Variants in LOC128125817 observed in about 807,000 individuals in gnomAD.
At chr1:41,597,929 G>C in the LOC128125817 span, among the ~76,000 whole-genome samples, 2 of 152,114 alleles carry the variant, frequency 1.3e-5, no homozygotes, top group Non-Finnish European at 2.9e-5. Flanking sequence ...CACCTACTAA[G>C]TTATCTAATG....
chr1:41,599,883 C>T, the LOC128125817 span, among the ~76,000 whole-genome samples: 4 of 152,106 alleles, frequency 2.6e-5, no homozygotes, highest in Non-Finnish European at 4.4e-5. Context: ...CCAAGCAAAA[C>T]GATTTTTAAA....
chr1:41,586,574 C>CAG, the LOC128125817 span, among the ~76,000 whole-genome samples: 44,475 of 152,126 alleles, frequency 0.29, 7,558 homozygotes, highest in Non-Finnish European at 0.39. Context: ...ATCCTGCCCT[C>CAG]AGGCTCCCCT....
the LOC128125817 span, chr1:41,585,316 C>G: frequency 2.0e-5 from 8 of 398,936 alleles, no homozygotes; most frequent in East Asian, 1.1e-4. Flanking sequence ...TCACGCTCTT[C>G]TTCTGTGTGA....
the LOC128125817 span, among the ~76,000 whole-genome samples, chr1:41,595,890 C>G: frequency 6.6e-6 from 1 of 152,084 alleles, no homozygotes; most frequent in Non-Finnish European, 1.5e-5. Flanking sequence ...TGCTTGCAGA[C>G]GGCCTATTGT....
the LOC128125817 span, among the ~76,000 whole-genome samples, chr1:41,613,097 G>A: frequency 6.6e-6 from 1 of 152,248 alleles, no homozygotes; most frequent in Non-Finnish European, 1.5e-5. Context: ...CACTGGGCGC[G>A]GAGTCAGCCG....
chr1:41,618,720 C>T, the LOC128125817 span, among the ~76,000 whole-genome samples: 1 of 152,194 alleles, frequency 6.6e-6, no homozygotes, highest in East Asian at 1.9e-4. Context: ...CAAAAGGGAC[C>T]TTGGAAGTTA....
At chr1:41,586,514 G>GAGCATCTCTGTGCTTGCTTTTTCTCCT in the LOC128125817 span, among the ~76,000 whole-genome samples, 3,584 of 152,266 alleles carry the variant, frequency 0.024, 62 homozygotes, top group Middle Eastern at 0.082. Context: ...GGTGAGTGAT[G>GAGCATCTCTGTGCTTGCTTTTTCTCCT]AGCATCTCTG....
chr1:41,628,387 C>A, the LOC128125817 span, among the ~76,000 whole-genome samples: 2 of 152,206 alleles, frequency 1.3e-5, no homozygotes, highest in Non-Finnish European at 2.9e-5. Flanking sequence ...CTATCAGGAG[C>A]ACACAGTTGG....
the LOC128125817 span, among the ~76,000 whole-genome samples, chr1:41,595,469 A>C: frequency 6.6e-6 from 1 of 152,170 alleles, no homozygotes; most frequent in Non-Finnish European, 1.5e-5. Context: ...ACATGCCGAG[A>C]AAGGAGTCTG....
chr1:41,623,418 T>C, the LOC128125817 span, among the ~76,000 whole-genome samples: 1 of 152,272 alleles, frequency 6.6e-6, no homozygotes, highest in African/African-American at 2.4e-5. Context: ...TAAAGGGCTA[T>C]ATAAACAAAC....
chr1:41,623,162 CA>C, the LOC128125817 span, among the ~76,000 whole-genome samples: 1 of 152,186 alleles, frequency 6.6e-6, no homozygotes, highest in African/African-American at 2.4e-5. Flanking sequence ...ACACAGAACA[CA>C]AATCCTCTAA....
At chr1:41,625,907 A>C in the LOC128125817 span, among the ~76,000 whole-genome samples, 916 of 152,332 alleles carry the variant, frequency 6.0e-3, 6 homozygotes, top group Non-Finnish European at 8.9e-3. Flanking sequence ...TGTTTTATAT[A>C]TTGACATTCC....
At chr1:41,620,327 T>C in the LOC128125817 span, among the ~76,000 whole-genome samples, 1 of 152,214 alleles carries the variant, frequency 6.6e-6, no homozygotes, top group Admixed American at 6.5e-5. Context: ...CATTTTTATT[T>C]ACCCATGACA....
chr1:41,605,164 A>AGGGGG, the LOC128125817 span, among the ~76,000 whole-genome samples: 1 of 25,354 alleles, frequency 3.9e-5, no homozygotes, highest in Non-Finnish European at 7.3e-5. Flanking sequence ...AGGGGTGGAG[A>AGGGGG]GGGGAGGGGA....
chr1:41,591,482 T>C, the LOC128125817 span, among the ~76,000 whole-genome samples: 2 of 152,042 alleles, frequency 1.3e-5, no homozygotes, highest in Non-Finnish European at 2.9e-5. Flanking sequence ...TCTGACTTTA[T>C]GGGATACTTT....
the LOC128125817 span, among the ~76,000 whole-genome samples, chr1:41,590,808 G>A: frequency 6.6e-6 from 1 of 152,290 alleles, no homozygotes; most frequent in East Asian, 1.9e-4. Context: ...CCTGTAGCAA[G>A]GTAAGCATCC....
chr1:41,621,051 T>C, the LOC128125817 span, among the ~76,000 whole-genome samples: 1 of 152,208 alleles, frequency 6.6e-6, no homozygotes. Context: ...ACGTTTGAGC[T>C]TGGGTGTTCC....
the LOC128125817 span, among the ~76,000 whole-genome samples, chr1:41,623,027 A>G: frequency 6.6e-6 from 1 of 152,228 alleles, no homozygotes; most frequent in African/African-American, 2.4e-5. Context: ...CGCAGCCAGT[A>G]TGAGACAGAG....
the LOC128125817 span, among the ~76,000 whole-genome samples, chr1:41,607,818 G>A: frequency 2.0e-5 from 3 of 152,252 alleles, no homozygotes; most frequent in Non-Finnish European, 2.9e-5. Context: ...CTGAGTTTAA[G>A]TGGCCATGGC....
Sources: gnomAD v4.1 joint callset for allele counts (sites outside exome capture counted in the v4.1 genomes callset) on GRCh38, gnomAD v4.1.1 for gene constraint, MANE v1.5 for transcripts.